The following TUBG2 variants were observed in gnomAD, a reference collection of about 807,000 sequenced individuals.
TUBG2 encodes the protein tubulin gamma 2, also known as tubulin gamma-2 chain.
Under a neutral mutation model 55.1 loss-of-function variants are expected in TUBG2, and 39 were observed. The ratio of observed to expected loss-of-function variants is 0.71; its 90% CI spans 0.55 to 0.93. TUBG2 has a LOEUF of 0.93. Ranked by LOEUF, TUBG2 falls within the 40% of genes least tolerant of loss-of-function variation. TUBG2 has a pLI of 0.00. For missense variants in TUBG2, 358 were observed against 599.1 expected (o/e 0.60, Z 4.20); for synonymous variants, 223 against 241.0 (o/e 0.93, Z 0.69).
intron 4 of TUBG2, chr17:42,661,084 G>A (rs531039924): frequency 2.1e-5 from 5 of 233,904 alleles, no homozygotes; most frequent in African/African-American, 1.1e-4. Flanking sequence ...CCCATGCTGG[G>A]TGCGATATGT....
intron 6 of TUBG2, among the ~76,000 whole-genome samples, chr17:42,664,436 C>T (rs1275295636): frequency 6.6e-6 from 1 of 152,030 alleles, no homozygotes; most frequent in East Asian, 1.9e-4. Context: ...TTCTAAGTTT[C>T]TTAGAATCCT....
intron 6 of TUBG2, among the ~76,000 whole-genome samples, chr17:42,664,123 A>G (rs1290584672): frequency 6.6e-6 from 1 of 151,862 alleles, no homozygotes; most frequent in Non-Finnish European, 1.5e-5. Flanking sequence ...AACATAAAAA[A>G]AAATTAGCCG....
In TUBG2 at chr17:42,659,420, C is replaced by A; in HGVS notation, c.-84C>A. 3 of 1,419,312 alleles carry A rather than the reference C, an allele frequency of 2.1e-6. No individual in the cohort carries two copies. The highest frequency in any genetic ancestry group is 2.3e-4 in the Middle Eastern group (1 of 4,440). The allele number at this position is 1,419,312 out of a possible 1,614,324, so 87.9% of individuals were successfully genotyped here. A position where few individuals can be genotyped will look rare whatever the true frequency, so the allele number is the denominator to read the frequency against. On this transcript the variant is annotated 5_prime_UTR_variant, in exon 1 of 11. Transcript: ENST00000251412. ...AGGCGAAGAGAGCGCGCGCTCCCCA[C>A]GTCCTGCGCTCCTGGCTGCCGGGCA...
At position 42,665,890 on chromosome 17, in the gene TUBG2, C is replaced by G. The variant is rs1031301544; in HGVS notation, c.843+63C>G. 12 of 1,607,938 alleles carry G rather than the reference C, an allele frequency of 7.5e-6. No individual in the cohort carries two copies. In the African/African-American group the frequency reaches 1.6e-4, roughly 22 times the overall value. On this transcript the variant is annotated intron_variant, in intron 8 of 10. Coordinates refer to ENST00000251412, the MANE Select transcript of TUBG2 (RefSeq NM_016437.3). ...CTGGGCCCAGCAGGCCCTGCCCCAG[C>G]CTTTCTCTCTTCCCCACTGCCCCAG...
Position 42,663,479 on chromosome 17 carries a change from G to T in TUBG2, c.582G>T (p.Arg194Ser), listed in dbSNP as rs773636634. 54 of 1,613,964 alleles carry T rather than the reference G, an allele frequency of 3.3e-5. No homozygotes were observed. The highest frequency in any genetic ancestry group is 1.9e-4 in the South Asian group (17 of 91,090). ...QPYNSLLTLK[R>S]LTQNADCVVV... ...ACAATTCACTCCTGACACTCAAGAG[G>T]CTGACGCAGAACGCAGATTGTGTGG... The change falls in exon 6 of 11, where the codon AGG becomes AGT. Residue 194 changes from arginine to serine, a missense_variant. Physicochemically the swap from Arg to Ser is moderately radical, Grantham distance 110. Transcript: ENST00000251412.
At chr17:42,663,232 C>T in intron 5 of TUBG2, 145 bp from the exon 6 acceptor site, 3 of 1,362,346 alleles carry the variant, frequency 2.2e-6, no homozygotes, top group Non-Finnish European at 3.0e-6. Flanking sequence ...GGGAGGGGAT[C>T]TACAGAGTTT....
At position 42,659,452 on chromosome 17, in the gene TUBG2, T is replaced by G; in HGVS notation, c.-52T>G. On this transcript the variant is annotated 5_prime_UTR_variant, in exon 1 of 11. Transcript: ENST00000251412. The stretch of plus-strand genomic sequence containing the variant: ...CGCTCCTGGCTGCCGGGCATTCGTC[T>G]CAGCCGTGACTCTCGCCAGGCCGGG... 6.5e-7 allele frequency: 1 copy of G among 1,531,258 alleles called. No individual in the cohort carries two copies. The highest frequency in any genetic ancestry group is 8.8e-7 in the Non-Finnish European group (1 of 1,138,266). 94.9% of individuals were successfully genotyped at this position (1,531,258 alleles called of 1,614,324 possible).
At chr17:42,663,550 G>T (rs748225793) in intron 6 of TUBG2, 47 bp downstream of exon 6, 8 of 1,608,040 alleles carry the variant, frequency 5.0e-6, no homozygotes, top group Non-Finnish European at 6.8e-6. Context: ...GCTCATGCCT[G>T]TAGTTCTAGC....
intron 4 of TUBG2, among the ~76,000 whole-genome samples, chr17:42,662,400 G>A (rs1281860341): frequency 1.3e-5 from 2 of 152,096 alleles, no homozygotes; most frequent in African/African-American, 2.4e-5. Context: ...GAGGTCAGGA[G>A]TTCAAGACCA....
At chr17:42,664,088 A>G (rs2052458453) in intron 6 of TUBG2, among the ~76,000 whole-genome samples, 1 of 151,876 alleles carries the variant, frequency 6.6e-6, no homozygotes, top group African/African-American at 2.4e-5. Context: ...CCTGGGTGAC[A>G]GAGCGAGACT....
Position 42,666,795 on chromosome 17 carries a change from C to A in TUBG2, c.1351C>A (p.Gln451Lys). Reference protein sequence around the residue: ...PDYISWGTQEQ With the variant: ...PDYISWGTQEK The stretch of plus-strand genomic sequence containing the variant: ...CTACATTTCCTGGGGCACCCAGGAG[C>A]AGTGATTTCCCTCCCCACTACTCCT... Residue 451 changes from glutamine to lysine, a missense_variant, in exon 11 of 11, where the codon CAG becomes AAG. Transcript: ENST00000251412. 3.1e-6 allele frequency: 5 copies of A among 1,614,004 alleles called. No individual in the cohort carries two copies. The highest frequency in any genetic ancestry group is 4.2e-6 in the Non-Finnish European group (5 of 1,179,932).
chr17:42,661,523 A>G (rs997571597), intron 4 of TUBG2: 3 of 152,184 alleles, frequency 2.0e-5, no homozygotes, highest in Middle Eastern at 3.2e-3. Flanking sequence ...CCAATTGCCA[A>G]TGATTTAATC....
At chr17:42,663,101 T>C (rs1246038301) in intron 5 of TUBG2, 49 bp downstream of exon 5, 5 of 1,580,026 alleles carry the variant, frequency 3.2e-6, no homozygotes, top group South Asian at 1.1e-5. Flanking sequence ...CCCTGAGTAA[T>C]GTCATTGCTT....
At position 42,660,648 on chromosome 17, in the gene TUBG2, A is replaced by G. The variant is rs1162802575; in HGVS notation, c.340A>G (p.Ile114Val). ...CCATATCTCTATACAGGGTGAGAAA[A>G]TTCATGAAGACATCTTTGACATCAT... ...WASGFSQGEK[I>V]HEDIFDIIDR... Residue 114 changes from isoleucine (I) to valine (V), a missense_variant, in exon 4 of 11, where the codon ATT becomes GTT. By Grantham distance (29) the Ile-to-Val change is conservative. This residue lies in a region of TUBG2 where 30 missense variants were observed against 52.8 expected (regional missense o/e 0.57). Transcript: ENST00000251412. The G allele has an allele frequency of 6.2e-7, 1 of 1,613,942 alleles. No homozygotes were observed. Among genetic ancestry groups the G allele is most frequent in the Non-Finnish European group, 8.5e-7 (1 of 1,180,006 alleles).
At position 42,663,035 on chromosome 17, in the gene TUBG2, G is replaced by A. The variant is rs895983783; in HGVS notation, c.462G>A (p.Leu154=). 6.2e-7 allele frequency: 1 copy of A among 1,614,126 alleles called. No homozygotes were observed. The highest frequency in any genetic ancestry group is 8.5e-7 in the Non-Finnish European group (1 of 1,180,008). Residue 154 remains leucine (L), a synonymous_variant, in exon 5 of 11, where the codon CTG becomes CTA. Transcript: ENST00000251412. ...GTTCTGGCCTGGGCTCCTACCTCCT[G>A]GAGCGACTGAATGACAGGCAAGCCT... ...GTGSGLGSYL[L]ERLNDRYPKK...
chr17:42,663,326 T>C (rs754938415), intron 5 of TUBG2, 51 bp from the exon 6 acceptor site: 5 of 1,610,590 alleles, frequency 3.1e-6, no homozygotes, highest in South Asian at 1.1e-5. Context: ...ATATGGGCAG[T>C]GATGGAGGGG....
chr17:42,661,921 G>T lies in TUBG2; in HGVS notation c.400-1052G>T, dbSNP rs919261743. Among the ~76,000 whole-genome samples the T allele has an allele frequency of 2.6e-5, 4 of 152,182 alleles. No homozygotes were observed. In the South Asian group the frequency reaches 8.3e-4, roughly 32 times the overall value. Reference sequence around the variant, plus strand: ...GGAAGTGGGAGAGTCTTGTGGGACTGAGCCTTCACTCTGTGGGATCTGATG... The same window carrying T: ...GGAAGTGGGAGAGTCTTGTGGGACTTAGCCTTCACTCTGTGGGATCTGATG... On this transcript the variant is annotated intron_variant, in intron 4 of 10. Coordinates refer to ENST00000251412, the MANE Select transcript of TUBG2 (RefSeq NM_016437.3).
At chr17:42,662,841 C>T in intron 4 of TUBG2, 132 bp from the exon 5 acceptor site, 1 of 757,010 alleles carries the variant, frequency 1.3e-6, no homozygotes, top group South Asian at 1.9e-5. Flanking sequence ...TAGTGGATAC[C>T]CAGCTGGCAT....
chr17:42,659,631 T>C, intron 1 of TUBG2, 79 bp downstream of exon 1: 1 of 1,447,232 alleles, frequency 6.9e-7, no homozygotes, highest in Non-Finnish European at 9.3e-7. Flanking sequence ...CTTCCACCAG[T>C]CCCCCTTTCC....
Sources: allele counts gnomAD v4.1 joint callset (sites outside exome capture counted in the v4.1 genomes callset), GRCh38; gene constraint gnomAD v4.1.1; regional missense constraint gnomAD v4.1.1; transcripts MANE v1.5; gene names NCBI Gene and HGNC (gene_info 2026-07-23, HGNC 2026-07-21).